Variants in MAST4 observed in about 807,000 individuals in gnomAD.
MAST4 encodes the protein microtubule associated serine/threonine kinase family member 4.
Under a neutral mutation model 162.7 loss-of-function variants are expected in MAST4, and 89 were observed. The observed-to-expected ratio is 0.55, with a 90% CI of 0.46 to 0.65. The LOEUF is 0.65. Among genes scored for constraint, MAST4 ranks in the 30% least tolerant of loss-of-function variants. The probability of loss-of-function intolerance (pLI) is 0.00; values close to 1 mark genes in which losing one functional copy is unlikely to be tolerated. For missense variants in MAST4, 3,153 were observed against 3,374.0 expected (o/e 0.93, Z 1.62); for synonymous variants, 1,479 against 1,361.1 (o/e 1.09, Z -1.91).
intron 3 of MAST4, among the ~76,000 whole-genome samples, chr5:66,859,771 C>T (rs922588376): frequency 3.3e-5 from 5 of 152,204 alleles, no homozygotes; most frequent in Non-Finnish European, 7.3e-5. Flanking sequence ...ATGAGCATCT[C>T]ACATCCTCAG....
At chr5:66,928,163 G>C (rs1386977510) in intron 4 of MAST4, among the ~76,000 whole-genome samples, 2 of 152,074 alleles carry the variant, frequency 1.3e-5, no homozygotes, top group Admixed American at 6.6e-5. Flanking sequence ...AGCTTTCCAG[G>C]GGCACAATTC....
At chr5:67,053,078 G>A (rs1758377625) in intron 4 of MAST4, among the ~76,000 whole-genome samples, 1 of 152,106 alleles carries the variant, frequency 6.6e-6, no homozygotes, top group African/African-American at 2.4e-5. Flanking sequence ...ATTAACAACT[G>A]CTTTAAGGCT....
At chr5:66,771,106 A>G (rs1346612113) in intron 2 of MAST4, among the ~76,000 whole-genome samples, 1 of 152,134 alleles carries the variant, frequency 6.6e-6, no homozygotes, top group African/African-American at 2.4e-5. Flanking sequence ...AGAGAGGAGG[A>G]TGTCTGGTAG....
At chr5:66,899,436 A>G (rs935271070) in intron 3 of MAST4, among the ~76,000 whole-genome samples, 11 of 152,212 alleles carry the variant, frequency 7.2e-5, no homozygotes, top group African/African-American at 2.7e-4. Flanking sequence ...AATAATACCA[A>G]AAGGAAATCT....
At chr5:67,072,539 C>T (rs532245814) in intron 5 of MAST4, among the ~76,000 whole-genome samples, 2 of 152,148 alleles carry the variant, frequency 1.3e-5, no homozygotes, top group African/African-American at 4.8e-5. Flanking sequence ...AGTCAGATAA[C>T]ACATAAAATG....
At chr5:67,008,352 A>G (rs1364945521) in intron 4 of MAST4, among the ~76,000 whole-genome samples, 1 of 152,228 alleles carries the variant, frequency 6.6e-6, no homozygotes, top group African/African-American at 2.4e-5. Flanking sequence ...GCCTGCATTC[A>G]TGTCACTGCT....
chr5:67,023,103 T>C (rs973372186), intron 4 of MAST4, among the ~76,000 whole-genome samples: 1 of 152,176 alleles, frequency 6.6e-6, no homozygotes, highest in Non-Finnish European at 1.5e-5. Flanking sequence ...TGGAGACTGA[T>C]GTAGAATCAT....
At position 67,167,095 on chromosome 5, in the gene MAST4, G is replaced by A. The variant is rs201369766; in HGVS notation, c.*44G>A. ...AGGACTGTGGAGACCCGTCCTGAAC[G>A]GGCGACTGTGTCTTGACTACCTTTC... On this transcript the variant is annotated 3_prime_UTR_variant, in exon 29 of 29. Coordinates refer to ENST00000403625, the MANE Select transcript of MAST4 (RefSeq NM_001164664.2). 8 of 1,481,524 alleles carry A rather than the reference G, an allele frequency of 5.4e-6. No homozygotes were observed. The highest frequency in any genetic ancestry group is 5.4e-6 in the Non-Finnish European group (6 of 1,109,258). 91.8% of individuals were successfully genotyped at this position (1,481,524 alleles called of 1,614,324 possible).
intron 1 of MAST4, among the ~76,000 whole-genome samples, chr5:66,639,344 CAAA>C (rs927031684): frequency 1.4e-4 from 20 of 144,814 alleles, no homozygotes; most frequent in African/African-American, 3.9e-4. Context: ...TGGACAACAA[CAAA>C]AAATTAGTTG....
intron 5 of MAST4, among the ~76,000 whole-genome samples, chr5:67,066,951 A>G (rs16896234): frequency 0.015 from 2,185 of 144,100 alleles, 32 homozygotes; most frequent in African/African-American, 0.045. Context: ...GTACCTCTCC[A>G]GTATGTTCTC....
chr5:66,979,298 CTT>C, intron 4 of MAST4, among the ~76,000 whole-genome samples: 1 of 152,220 alleles, frequency 6.6e-6, no homozygotes, highest in East Asian at 1.9e-4. Context: ...ACTGAGTCCT[CTT>C]TAAAATTGTG....
In MAST4 at chr5:67,166,359, G is replaced by A; in HGVS notation, c.7180G>A (p.Val2394Met). The A allele has an allele frequency of 2.0e-5, 32 of 1,610,802 alleles. No homozygotes were observed. The highest frequency in any genetic ancestry group is 2.7e-5 in the Non-Finnish European group (32 of 1,178,518). The change falls in exon 29 of 29, where the codon GTG (valine) becomes ATG (methionine). Residue 2394 changes from valine to methionine, a missense_variant. Val to Met is a conservative substitution (Grantham distance 21, BLOSUM62 1). Transcript: ENST00000403625. Reference sequence around the variant, plus strand: ...CAAGCTCGAGGCCGGCCTTTCCTTTGTGCATAGCGAGAACCGGTTGAAAGG... The same window carrying A: ...CAAGCTCGAGGCCGGCCTTTCCTTTATGCATAGCGAGAACCGGTTGAAAGG... ...GDKLEAGLSF[V>M]HSENRLKGAE...
intron 4 of MAST4, among the ~76,000 whole-genome samples, chr5:66,919,590 G>A (rs1419280216): frequency 1.3e-5 from 2 of 150,462 alleles, no homozygotes; most frequent in African/African-American, 4.9e-5. Flanking sequence ...GAACCCACGA[G>A]GCAGAGGTTG....
chr5:66,998,577 A>T (rs951871093), intron 4 of MAST4, among the ~76,000 whole-genome samples: 1 of 152,200 alleles, frequency 6.6e-6, no homozygotes, highest in African/African-American at 2.4e-5. Context: ...CAGTCTTTAA[A>T]ATATTAGGCA....
At chr5:66,699,189 C>G (rs1749605868) in intron 1 of MAST4, among the ~76,000 whole-genome samples, 1 of 152,162 alleles carries the variant, frequency 6.6e-6, no homozygotes, top group Non-Finnish European at 1.5e-5. Flanking sequence ...GTTCTCATCT[C>G]AGAGTCTTTG....
At chr5:66,607,075 A>G (rs897671227) in intron 1 of MAST4, among the ~76,000 whole-genome samples, 2 of 152,264 alleles carry the variant, frequency 1.3e-5, no homozygotes, top group East Asian at 3.9e-4. Flanking sequence ...TGACCCATTC[A>G]ACCTCATACA....
At chr5:66,911,664 A>G (rs1763787524) in intron 4 of MAST4, among the ~76,000 whole-genome samples, 1 of 146,140 alleles carries the variant, frequency 6.8e-6, no homozygotes, top group Non-Finnish European at 1.5e-5. Context: ...TGAACCCAGG[A>G]GTTTGAGGTA....
chr5:66,794,037 T>C (rs1227523428), intron 3 of MAST4, among the ~76,000 whole-genome samples: 1 of 152,236 alleles, frequency 6.6e-6, no homozygotes, highest in Non-Finnish European at 1.5e-5. Flanking sequence ...AACATATGTC[T>C]CCTTTCTGTA....
At chr5:67,024,602 T>G (rs1754417482) in intron 4 of MAST4, among the ~76,000 whole-genome samples, 1 of 151,996 alleles carries the variant, frequency 6.6e-6, no homozygotes, top group African/African-American at 2.4e-5. Context: ...ATAATCCTCT[T>G]TGGTGGTAAA....
Sources: allele counts gnomAD v4.1 joint callset (sites outside exome capture counted in the v4.1 genomes callset), GRCh38; gene constraint gnomAD v4.1.1; transcripts MANE v1.5; gene names NCBI Gene and HGNC (gene_info 2026-07-23, HGNC 2026-07-21).